The following CLCN5 variants were observed in gnomAD, a reference collection of about 807,000 sequenced individuals.
The protein encoded by CLCN5 is Cl-/H+ antiporter 5, also known as H(+)/Cl(-) exchange transporter 5.
In CLCN5, 17 loss-of-function variants were observed where a neutral mutation model predicts 54.0. The observed-to-expected ratio is 0.31, with a 90% CI of 0.22 to 0.47. The LOEUF is 0.47. CLCN5 is among the 20% of genes least tolerant of loss of function. The pLI is 1.00. For synonymous variants in CLCN5, 222 were observed against 233.0 expected, an observed-to-expected ratio of 0.95 and a Z score of 0.43; for missense variants, 448 against 646.7, an observed-to-expected ratio of 0.69 and a Z score of 3.33.
intron 3 of CLCN5, among the ~76,000 whole-genome samples, chrX:50,034,114 C>T (rs1332416383): frequency 1.8e-5 from 2 of 112,214 alleles, no homozygotes; most frequent in Non-Finnish European, 3.8e-5. Context: ...CAGAGATTAA[C>T]ATGCAAGATT....
At chrX:49,987,594 A>G (rs781976667) in intron 3 of CLCN5, among the ~76,000 whole-genome samples, 2 of 112,204 alleles carry the variant, frequency 1.8e-5, no homozygotes, top group South Asian at 7.6e-4. Flanking sequence ...ATACCCTTGG[A>G]AGTACTTATG....
chrX:50,042,525 A>G, intron 4 of CLCN5, 63 bp downstream of exon 4: 1 of 786,684 alleles, frequency 1.3e-6, no homozygotes, highest in Non-Finnish European at 1.7e-6. Context: ...ATAAAATTTT[A>G]TTTTTTTTTA....
At chrX:49,982,100 G>C (rs137880038) in intron 3 of CLCN5, among the ~76,000 whole-genome samples, 85 of 110,666 alleles carry the variant, frequency 7.7e-4, no homozygotes, top group African/African-American at 2.8e-3. Flanking sequence ...TTTAATGCAG[G>C]TGGCATTTAG....
chrX:50,005,950 G>A (rs1267374210), intron 3 of CLCN5, among the ~76,000 whole-genome samples: 2 of 112,160 alleles, frequency 1.8e-5, no homozygotes, highest in Non-Finnish European at 1.9e-5. Flanking sequence ...TTTTGTTTTT[G>A]TGTTTTCTTG....
chrX:50,081,574 G>C, intron 8 of CLCN5, 67 bp from the exon 9 acceptor site: 1 of 893,124 alleles, frequency 1.1e-6, no homozygotes, highest in Middle Eastern at 3.9e-4. Context: ...ATGAGGTCCA[G>C]ATTTTTGCTT....
At chrX:50,058,873 C>T (rs1602097456) in intron 4 of CLCN5, among the ~76,000 whole-genome samples, 2 of 110,797 alleles carry the variant, frequency 1.8e-5, no homozygotes, top group East Asian at 5.6e-4. Flanking sequence ...CACCTAAGTA[C>T]CCCAACCTGA....
At chrX:49,926,198 G>A (rs1925332057) in intron 3 of CLCN5, among the ~76,000 whole-genome samples, 1 of 112,133 alleles carries the variant, frequency 8.9e-6, no homozygotes, top group Non-Finnish European at 1.9e-5. Context: ...ACTTTATGTA[G>A]GCACACAAAT....
chrX:50,014,659 G>A (rs1569538762), intron 3 of CLCN5: 2 of 346,283 alleles, frequency 5.8e-6, no homozygotes, highest in South Asian at 5.3e-5. Context: ...AATGCACCTG[G>A]GCAAGGATTC....
chrX:49,998,587 AT>A (rs1233917356), intron 3 of CLCN5, among the ~76,000 whole-genome samples: 1 of 110,952 alleles, frequency 9.0e-6, no homozygotes, highest in African/African-American at 3.3e-5. Context: ...GATTTTCACA[AT>A]CCCCCTCCCA....
At position 50,037,941 on chromosome X, in the gene CLCN5, A is replaced by G. The variant is rs12014899; in HGVS notation, c.17-4375A>G. 3.4e-3 allele frequency among the ~76,000 whole-genome samples: 381 copies of G among 111,684 alleles called. 2 individuals carry two copies. The highest frequency in any genetic ancestry group is 0.012 in the African/African-American group (356 of 30,682). ...CCGAATAACAATGAGCACCCAGAAC[A>G]TGTCTTTTAAATACCACCCCCAACT... is the stretch of plus-strand genomic sequence containing the variant. On this transcript the variant is annotated intron_variant, in intron 3 of 14. Coordinates refer to ENST00000376091, the MANE Select transcript of CLCN5 (RefSeq NM_001127898.4).
chrX:50,019,566 C>G (rs1293669275), intron 3 of CLCN5, among the ~76,000 whole-genome samples: 1 of 54,573 alleles, frequency 1.8e-5, no homozygotes, highest in Non-Finnish European at 3.2e-5. Flanking sequence ...CATGCTGGTG[C>G]GCTGCACCCA....
At chrX:50,034,601 CGTGT>C (rs1557186330) in intron 3 of CLCN5, among the ~76,000 whole-genome samples, 5 of 111,252 alleles carry the variant, frequency 4.5e-5, no homozygotes, top group Non-Finnish European at 9.4e-5. Context: ...TTTGTGGGGT[CGTGT>C]GTGTCAGCCC....
At chrX:50,036,358 T>C (rs905585951) in intron 3 of CLCN5, among the ~76,000 whole-genome samples, 9 of 112,203 alleles carry the variant, frequency 8.0e-5, no homozygotes, top group African/African-American at 2.9e-4. Flanking sequence ...TTTCTATGCA[T>C]TTACTAAAAG....
intron 3 of CLCN5, among the ~76,000 whole-genome samples, chrX:50,040,073 G>A (rs189134279): frequency 2.1e-4 from 23 of 112,026 alleles, no homozygotes; most frequent in Admixed American, 1.6e-3. Flanking sequence ...TCAATTTCTC[G>A]TCTGTTGTTG....
intron 3 of CLCN5, among the ~76,000 whole-genome samples, chrX:50,015,009 GC>G (rs1476759880): frequency 1.3e-4 from 14 of 111,082 alleles, no homozygotes; most frequent in African/African-American, 3.9e-4. Flanking sequence ...CAAGTATTAA[GC>G]CAAGGATTCA....
rs140384373 is a variant in CLCN5, at chrX:50,045,958, C to T, written c.163+3496C>T. Among the ~76,000 whole-genome samples, 13 of 112,144 alleles carry T rather than the reference C, an allele frequency of 1.2e-4. No homozygotes were observed. The East Asian group carries it at 2.0e-3, about 17-fold the overall frequency. On this transcript the variant is annotated intron_variant, in intron 4 of 14. Transcript: ENST00000376091. ...ACATTTTGTACCAGGCACAATAGCA[C>T]GTACTAAAAAGATTAGTGAGAAGGG...
intron 3 of CLCN5, among the ~76,000 whole-genome samples, chrX:49,984,178 C>T (rs1368015707): frequency 9.0e-6 from 1 of 111,554 alleles, no homozygotes; most frequent in Non-Finnish European, 1.9e-5. Flanking sequence ...ATTTTTTACC[C>T]TATTTATTCA....
chrX:50,095,454 T>G lies in CLCN5; in HGVS notation c.*3235T>G, dbSNP rs1044252913. 8.9e-6 allele frequency: 1 copy of G among 112,326 alleles called. No homozygotes were observed. Among genetic ancestry groups the G allele is most frequent in the Admixed American group, 9.4e-5 (1 of 10,648 alleles). The allele number at this position is 112,326 out of a possible 1,213,427, so 9.3% of individuals were successfully genotyped here. ...ACAGCATCCTGGCTCAGCCCAGCTGTGGAGTAGAGGTGGTAAGATCCACAG... is the reference window on the plus strand; with the variant it reads ...ACAGCATCCTGGCTCAGCCCAGCTGGGGAGTAGAGGTGGTAAGATCCACAG... On this transcript the variant is annotated 3_prime_UTR_variant, in exon 15 of 15. Coordinates refer to ENST00000376091, the MANE Select transcript of CLCN5 (RefSeq NM_001127898.4).
chrX:49,982,735 A>G (rs1196220854), intron 3 of CLCN5, among the ~76,000 whole-genome samples: 1 of 111,843 alleles, frequency 8.9e-6, no homozygotes, highest in Non-Finnish European at 1.9e-5. Flanking sequence ...ATTATTGTCC[A>G]TCTCTTACAA....
Sources: allele counts gnomAD v4.1 joint callset (sites outside exome capture counted in the v4.1 genomes callset), GRCh38; gene constraint gnomAD v4.1.1; transcripts MANE v1.5; gene names NCBI Gene and HGNC (gene_info 2026-07-23, HGNC 2026-07-21).